MALRD1: variants seen among roughly 807,000 people sequenced by gnomAD.
MALRD1 encodes the protein MAM and LDL-receptor class A domain-containing protein 1.
MALRD1 carries 247 observed loss-of-function variants against 242.1 expected under a neutral mutation model. That is an observed-to-expected ratio of 1.02 (90% CI 0.92 to 1.13). The LOEUF is 1.13. Ranked by LOEUF, MALRD1 falls within the 50% of genes most tolerant of loss-of-function variation. The probability of loss-of-function intolerance (pLI) is 0.00; values close to 1 mark genes in which losing one functional copy is unlikely to be tolerated. For missense variants in MALRD1, 2,989 were observed against 2,533.1 expected, an observed-to-expected ratio of 1.18 and a Z score of -3.86; for synonymous variants, 995 against 866.6, an observed-to-expected ratio of 1.15 and a Z score of -2.60.
chr10:19,658,162 C>CAA (rs34596840), intron 36 of MALRD1, among the ~76,000 whole-genome samples: 10 of 150,034 alleles, frequency 6.7e-5, no homozygotes, highest in African/African-American at 2.4e-4. Flanking sequence ...ACAAAGCAAA[C>CAA]AAAAAAAAAC....
chr10:19,065,117 G>A (rs1368385896), intron 1 of MALRD1, among the ~76,000 whole-genome samples: 4 of 151,244 alleles, frequency 2.6e-5, no homozygotes, highest in African/African-American at 4.9e-5. Context: ...GAGAAACCCC[G>A]TCTCTACTAA....
chr10:19,083,868 G>A (rs1835574340), intron 2 of MALRD1, among the ~76,000 whole-genome samples: 2 of 152,060 alleles, frequency 1.3e-5, no homozygotes, highest in South Asian at 4.1e-4. Context: ...TTACCAAAAA[G>A]CTTTGGCTAA....
intron 36 of MALRD1, among the ~76,000 whole-genome samples, chr10:19,630,304 T>A (rs1029965021): frequency 6.6e-6 from 1 of 152,154 alleles, no homozygotes; most frequent in Non-Finnish European, 1.5e-5. Flanking sequence ...AAAATACATC[T>A]CTTTCAAATT....
chr10:19,670,982 C>T (rs929684797), intron 36 of MALRD1, among the ~76,000 whole-genome samples: 2 of 151,828 alleles, frequency 1.3e-5, no homozygotes, highest in Non-Finnish European at 2.9e-5. Flanking sequence ...GGGTTCACGC[C>T]ATTCTCCTGC....
At chr10:19,202,534 C>G (rs974587227) in intron 14 of MALRD1, among the ~76,000 whole-genome samples, 1 of 151,870 alleles carries the variant, frequency 6.6e-6, no homozygotes, top group African/African-American at 2.4e-5. Context: ...TTAAAATGCC[C>G]TTATAATTTT....
rs1301703633 is a variant in MALRD1, at chr10:19,237,957, G to A, written c.2992-19727G>A. On this transcript the variant is annotated intron_variant, in intron 18 of 39. Coordinates refer to ENST00000454679, the MANE Select transcript of MALRD1 (RefSeq NM_001142308.3). ...TTTTATACAGTTATATAAATTATAT[G>A]TAATTTTATACAGTTATATATAATT... Among the ~76,000 whole-genome samples the A allele has an allele frequency of 3.0e-3, 194 of 64,712 alleles. 1 individual carries two copies. The highest frequency in any genetic ancestry group is 4.2e-3 in the Non-Finnish European group (144 of 34,152). 42.5% of individuals were successfully genotyped at this position (64,712 alleles called of 152,430 possible).
intron 29 of MALRD1, among the ~76,000 whole-genome samples, chr10:19,454,704 G>A (rs1008451713): frequency 5.0e-5 from 6 of 121,006 alleles, no homozygotes; most frequent in South Asian, 2.8e-4. Flanking sequence ...AGGACTGTCC[G>A]TGCACACGTA....
chr10:19,373,203 C>CAAAAAAAAATAAAAAAA (rs1845459030), intron 26 of MALRD1, among the ~76,000 whole-genome samples: 1 of 114,886 alleles, frequency 8.7e-6, no homozygotes, highest in Non-Finnish European at 1.8e-5. Flanking sequence ...ACGCTAAATA[C>CAAAAAAAAATAAAAAAA]AAAAAAAAAA....
chr10:19,506,730 CATT>C (rs1321657181), intron 31 of MALRD1, among the ~76,000 whole-genome samples: 1 of 151,990 alleles, frequency 6.6e-6, no homozygotes, highest in East Asian at 1.9e-4. Context: ...AAAAAGAAGT[CATT>C]ATCTGATAAA....
In MALRD1 at chr10:19,486,808, T is replaced by C. The variant is rs76528905; in HGVS notation, c.5030-4709T>C. ...GTGTACAAAACGATTTTAATCCAAA[T>C]TGAAATTTATAGGATCGAGGATTTG... On this transcript the variant is annotated intron_variant, in intron 29 of 39. Transcript: ENST00000454679. Among the ~76,000 whole-genome samples the C allele has an allele frequency of 5.9e-3, 904 of 152,258 alleles. 13 individuals carry two copies. The highest frequency in any genetic ancestry group is 0.024 in the Admixed American group (363 of 15,292).
rs190973531 is a variant in MALRD1 at position 19,080,988 on chromosome 10, G to A, written c.341-6852G>A. 1.3e-4 allele frequency among the ~76,000 whole-genome samples: 20 copies of A among 151,952 alleles called. No homozygotes were observed. The East Asian group carries it at 2.7e-3, about 21-fold the overall frequency. ...CAGACACTTCTCAAAGAAAACATTCGTGTGGCCCACAAACATATGAAAAAA... is the reference window on the plus strand; with the variant it reads ...CAGACACTTCTCAAAGAAAACATTCATGTGGCCCACAAACATATGAAAAAA... On this transcript the variant is annotated intron_variant, in intron 2 of 39. Transcript: ENST00000454679.
intron 21 of MALRD1, among the ~76,000 whole-genome samples, chr10:19,288,341 T>C (rs936649316): frequency 1.3e-5 from 2 of 152,086 alleles, no homozygotes; most frequent in African/African-American, 4.8e-5. Context: ...AAATGTACCA[T>C]TATTATCGAT....
At position 19,539,934 on chromosome 10, in the gene MALRD1, G is replaced by A. The variant is rs1834889590; in HGVS notation, c.5478+8583G>A. Among the ~76,000 whole-genome samples, 6 of 145,444 alleles carry A rather than the reference G, an allele frequency of 4.1e-5. No individual in the cohort carries two copies. The South Asian group carries it at 1.3e-3, about 32-fold the overall frequency. ...TGCGCGCACACACGCGCAGTGATGG[G>A]GTTTTGCCATGTTGCCCAGGCTGGT... On this transcript the variant is annotated intron_variant, in intron 32 of 39. Transcript: ENST00000454679.
At chr10:19,434,141 A>T (rs1834257091) in intron 28 of MALRD1, among the ~76,000 whole-genome samples, 1 of 152,198 alleles carries the variant, frequency 6.6e-6, no homozygotes, top group Admixed American at 6.5e-5. Context: ...TATTGCCCCA[A>T]ATCTTCAAAG....
chr10:19,262,038 T>TAC (rs1839773141), intron 19 of MALRD1, among the ~76,000 whole-genome samples: 1 of 152,174 alleles, frequency 6.6e-6, no homozygotes, highest in South Asian at 2.1e-4. Flanking sequence ...TTAAATTAGT[T>TAC]TATTTTTACT....
intron 38 of MALRD1, among the ~76,000 whole-genome samples, chr10:19,730,319 G>T (rs1835236468): frequency 1.3e-5 from 2 of 152,318 alleles, no homozygotes; most frequent in South Asian, 4.1e-4. Context: ...ACTGTGCAGT[G>T]TAAAGGACTT....
At chr10:19,561,754 A>C (rs1260477381) in intron 32 of MALRD1, among the ~76,000 whole-genome samples, 1 of 151,960 alleles carries the variant, frequency 6.6e-6, no homozygotes, top group Non-Finnish European at 1.5e-5. Context: ...TGAAACAAGA[A>C]GGCTGGAATG....
At chr10:19,722,964 T>C (rs1834841042) in intron 38 of MALRD1, among the ~76,000 whole-genome samples, 1 of 152,168 alleles carries the variant, frequency 6.6e-6, no homozygotes, top group Non-Finnish European at 1.5e-5. Flanking sequence ...GTTTAGTACG[T>C]AGTATGTGTC....
chr10:19,352,163 T>C lies in MALRD1; in HGVS notation c.4307T>C (p.Phe1436Ser). The change falls in exon 26 of 40, where the codon TTC (phenylalanine) becomes TCC (serine). Residue 1436 changes from phenylalanine to serine, a missense_variant. Phe to Ser is a radical substitution (Grantham distance 155). Coordinates refer to ENST00000454679, the MANE Select transcript of MALRD1 (RefSeq NM_001142308.3). The stretch of plus-strand genomic sequence containing the variant: ...CTGTCACTGTTTGGTGATGAAGACT[T>C]CCAACTCAAATTTGAAGGTAGAGTT... Reference protein sequence around the residue: ...EELSLFGDEDFQLKFEGRVGK... With the variant: ...EELSLFGDEDSQLKFEGRVGK... 1.3e-6 allele frequency: 2 copies of C among 1,550,572 alleles called. No homozygotes were observed. The highest frequency in any genetic ancestry group is 1.7e-6 in the Non-Finnish European group (2 of 1,146,944).
Sources: gnomAD v4.1 joint callset for allele counts (sites outside exome capture counted in the v4.1 genomes callset) on GRCh38, gnomAD v4.1.1 for gene constraint, MANE v1.5 for transcripts, NCBI Gene and HGNC (gene_info 2026-07-23, HGNC 2026-07-21) for gene names.